The following ABCA4 variants were observed in gnomAD, a reference collection of about 807,000 sequenced individuals.
ABCA4 encodes retinal-specific phospholipid-transporting ATPase ABCA4.
In ABCA4, 196 loss-of-function variants were observed where a neutral mutation model predicts 263.7. That is an observed-to-expected ratio of 0.74 (90% confidence interval 0.66 to 0.84). The LOEUF is 0.84. ABCA4 is among the 40% of genes least tolerant of loss of function. The probability of loss-of-function intolerance (pLI) is 0.00; values close to 1 mark genes in which losing one functional copy is unlikely to be tolerated. For synonymous variants in ABCA4, 1,133 were observed against 1,094.2 expected (o/e 1.04, Z -0.70); for missense variants, 2,792 against 2,855.1 (o/e 0.98, Z 0.50).
chr1:94,094,376 C>A (rs1291346306), intron 6 of ABCA4, among the ~76,000 whole-genome samples: 2 of 152,156 alleles, frequency 1.3e-5, no homozygotes, highest in Non-Finnish European at 2.9e-5. Flanking sequence ...GGGCCCTTTT[C>A]TTCCTGGAAC....
chr1:94,015,729 A>C lies in ABCA4; in HGVS notation c.5312+10T>G. On this transcript the variant is annotated intron_variant, in intron 37 of 49. Coordinates refer to ENST00000370225, the MANE Select transcript of ABCA4 (RefSeq NM_000350.3). ...TTCAGAGGCATTAGCTAATGGCCCA[A>C]ACGGCTTACCCATACAGCAGGAGCA... 1 of 1,611,308 alleles carries C rather than the reference A, an allele frequency of 6.2e-7. No individual in the cohort carries two copies. Among genetic ancestry groups the C allele is most frequent in the Non-Finnish European group, 8.5e-7 (1 of 1,177,894 alleles).
At position 94,073,742 on chromosome 1, in the gene ABCA4, A is replaced by C. The variant is rs79442833; in HGVS notation, c.1554+3948T>G. Among the ~76,000 whole-genome samples the C allele has an allele frequency of 5.9e-3, 898 of 152,288 alleles. 13 individuals carry two copies. The highest frequency in any genetic ancestry group is 0.046 in the East Asian group (238 of 5,184). ...GTTTGGTGCCTGGGGCTGCATTAGG[A>C]ACAAGCTGCTTGGAAAAAATAATCC... On this transcript the variant is annotated intron_variant, in intron 11 of 49. Transcript: ENST00000370225.
chr1:94,049,419 T>A (rs1660774728), intron 17 of ABCA4, among the ~76,000 whole-genome samples: 1 of 151,936 alleles, frequency 6.6e-6, no homozygotes, highest in Admixed American at 6.6e-5. Flanking sequence ...AGGTCAGGAG[T>A]TCGAGACCAG....
At position 94,015,843 on chromosome 1, in the gene ABCA4, G is replaced by A. The variant is rs766603281; in HGVS notation, c.5208C>T (p.Ser1736=). The A allele has an allele frequency of 7.4e-6, 12 of 1,613,274 alleles. No homozygotes were observed. Among genetic ancestry groups the A allele is most frequent in the Admixed American group, 3.3e-5 (2 of 59,928 alleles). The change falls in exon 37 of 50, where the codon TCC becomes TCT. Residue 1736 remains serine, a synonymous_variant. Coordinates refer to ENST00000370225, the MANE Select transcript of ABCA4 (RefSeq NM_000350.3). ...TNFLWDIMNY[S]VSAGLVVGIF... is the part of the protein sequence containing the mutation. ...TGCCCACCACCAGCCCAGCACTCACGGAATAATTCATCTCGGAAAGAGAAG... is the reference window on the plus strand; with the variant it reads ...TGCCCACCACCAGCCCAGCACTCACAGAATAATTCATCTCGGAAAGAGAAG...
chr1:94,010,886 C>G lies in ABCA4; in HGVS notation c.5628G>C (p.Gly1876=), dbSNP rs779855329. 2.5e-6 allele frequency: 4 copies of G among 1,614,132 alleles called. No homozygotes were observed. In the South Asian group the frequency reaches 4.4e-5, roughly 18 times the overall value. ...CCACCACCATGGCAAACAGGTTCTT[C>G]CCAATCAGGTCCCAGTGGAACGGAT... ...SANPFHWDLI[G]KNLFAMVVEG... Residue 1876 remains glycine (G), a synonymous_variant, in exon 40 of 50, where the codon GGG becomes GGC. Transcript: ENST00000370225.
Position 94,029,813 on chromosome 1 carries a change from G to T in ABCA4, c.4353-182C>A, listed in dbSNP as rs545183699. On this transcript the variant is annotated intron_variant, in intron 29 of 49. Transcript: ENST00000370225. ...AAACTAGGGTTTTGTGACTGACTAG[G>T]TGTGGGGCTGGGGAATAACCATCTC... is the stretch of plus-strand genomic sequence containing the variant. Among the ~76,000 whole-genome samples the T allele has an allele frequency of 9.8e-5, 15 of 152,288 alleles. No individual in the cohort carries two copies. In the South Asian group the frequency reaches 3.1e-3, roughly 32 times the overall value.
At position 94,031,797 on chromosome 1, in the gene ABCA4, T is replaced by C; in HGVS notation, c.4109A>G (p.His1370Arg). ...TAGTACCTGCGCCAGGAAGTCCTTGTGGCTGCGGATGGTGTGTTGGAATCT... is the reference window on the plus strand; with the variant it reads ...TAGTACCTGCGCCAGGAAGTCCTTGCGGCTGCGGATGGTGTGTTGGAATCT... Reference protein sequence around the residue: ...VKRFQHTIRSHKDFLAQIVLP... With the variant: ...VKRFQHTIRSRKDFLAQIVLP... Residue 1370 changes from histidine to arginine, a missense_variant, in exon 27 of 50, where the codon CAC becomes CGC. Physicochemically the swap from His to Arg is conservative, Grantham distance 29. Transcript: ENST00000370225. 6.2e-7 allele frequency: 1 copy of C among 1,613,896 alleles called. No individual in the cohort carries two copies. The highest frequency in any genetic ancestry group is 1.1e-5 in the South Asian group (1 of 91,064).
intron 11 of ABCA4, among the ~76,000 whole-genome samples, chr1:94,069,224 A>G (rs1226052287): frequency 6.6e-6 from 1 of 152,236 alleles, no homozygotes; most frequent in Admixed American, 6.5e-5. Flanking sequence ...TTCCTTCTTT[A>G]ACTGTGACCT....
intron 13 of ABCA4, 46 bp from the exon 14 acceptor site, chr1:94,060,805 G>A (rs1242515844): frequency 7.1e-7 from 1 of 1,414,644 alleles, no homozygotes; most frequent in East Asian, 2.4e-5. Context: ...CTCTGTACCT[G>A]GTAGAGGCAG....
In ABCA4 at chr1:93,993,103, C is replaced by T. The variant is rs76201551; in HGVS notation, c.*134G>A. The T allele has an allele frequency of 3.1e-3, 3,645 of 1,190,572 alleles. 91 individuals are homozygous for T. In the African/African-American group the frequency reaches 0.049, roughly 16 times the overall value. The allele number at this position is 1,190,572 out of a possible 1,614,324, so 73.8% of individuals were successfully genotyped here. ...CTTTCTGAATTCGCTGCATGCTCCTCGTGTGTTTGTTTTCTGCTGCAGTGG... is the reference window on the plus strand; with the variant it reads ...CTTTCTGAATTCGCTGCATGCTCCTTGTGTGTTTGTTTTCTGCTGCAGTGG... On this transcript the variant is annotated 3_prime_UTR_variant, in exon 50 of 50. Transcript: ENST00000370225.
intron 19 of ABCA4, among the ~76,000 whole-genome samples, chr1:94,045,353 C>T (rs978125679): frequency 6.8e-6 from 1 of 147,438 alleles, no homozygotes; most frequent in Admixed American, 6.8e-5. Context: ...GGAACTATGA[C>T]TCCCATGTCC....
intron 11 of ABCA4, among the ~76,000 whole-genome samples, chr1:94,076,229 C>T (rs1046750050): frequency 6.6e-6 from 1 of 152,166 alleles, no homozygotes; most frequent in Non-Finnish European, 1.5e-5. Context: ...GGAGCCAGAC[C>T]AACAGGGAAA....
chr1:94,083,295 G>A (rs1368692376), intron 7 of ABCA4, 57 bp downstream of exon 7: 1 of 1,318,392 alleles, frequency 7.6e-7, no homozygotes, highest in African/African-American at 1.5e-5. Context: ...TGACATAAGT[G>A]GGGTAAATGG....
At chr1:94,106,917 C>T (rs1297690377) in intron 4 of ABCA4, among the ~76,000 whole-genome samples, 1 of 152,188 alleles carries the variant, frequency 6.6e-6, no homozygotes, top group Non-Finnish European at 1.5e-5. Flanking sequence ...CTCTCACCTT[C>T]TGCCCTGTGA....
chr1:94,108,530 C>T (rs775385430), intron 4 of ABCA4, 47 bp downstream of exon 4: 1 of 1,611,422 alleles, frequency 6.2e-7, no homozygotes, highest in Non-Finnish European at 8.5e-7. Flanking sequence ...TTCAGTCTCT[C>T]CATAGGTGAG....
At chr1:94,051,008 A>G (rs1229671236) in intron 17 of ABCA4, among the ~76,000 whole-genome samples, 1 of 152,210 alleles carries the variant, frequency 6.6e-6, no homozygotes, top group East Asian at 1.9e-4. Context: ...CCCTGCTTCT[A>G]GAACTTTCTC....
chr1:94,026,108 G>A (rs780649131), intron 30 of ABCA4, among the ~76,000 whole-genome samples: 1 of 152,212 alleles, frequency 6.6e-6, no homozygotes, highest in Non-Finnish European at 1.5e-5. Context: ...TCTCATAAAA[G>A]CATTCACTCT....
At position 94,101,007 on chromosome 1, in the gene ABCA4, G is replaced by A. The variant is rs3789424; in HGVS notation, c.570+2008C>T. On this transcript the variant is annotated intron_variant, in intron 5 of 49. Coordinates refer to ENST00000370225, the MANE Select transcript of ABCA4 (RefSeq NM_000350.3). Reference sequence around the variant, plus strand: ...GCCGGGTTGGCTGGAACGTGCCTCTGCGAAGCGCAGATGGCTCAGCGTTTG... The same window carrying A: ...GCCGGGTTGGCTGGAACGTGCCTCTACGAAGCGCAGATGGCTCAGCGTTTG... 0.053 allele frequency among the ~76,000 whole-genome samples: 8,025 copies of A among 152,320 alleles called. 226 individuals carry two copies. Among genetic ancestry groups the A allele is most frequent in the East Asian group, 0.078 (402 of 5,162 alleles).
chr1:94,037,085 T>C (rs542873690), intron 25 of ABCA4, 60 bp downstream of exon 25: 1 of 1,570,488 alleles, frequency 6.4e-7, no homozygotes, highest in East Asian at 2.2e-5. Flanking sequence ...AATGTTAGAC[T>C]TTTTCAAAGA....
Sources: allele counts gnomAD v4.1 joint callset (sites outside exome capture counted in the v4.1 genomes callset), GRCh38; gene constraint gnomAD v4.1.1; transcripts MANE v1.5; gene names NCBI Gene and HGNC (gene_info 2026-07-23, HGNC 2026-07-21).